The following ZNF385B variants were observed in gnomAD, a reference collection of about 807,000 sequenced individuals.
The protein encoded by ZNF385B is zinc finger protein 385B, also known as zinc finger protein 533.
In ZNF385B, 23 loss-of-function variants were observed where a neutral mutation model predicts 39.2. That is an observed-to-expected ratio of 0.59 (90% CI 0.42 to 0.83). The LOEUF is 0.83. Ranked by LOEUF, ZNF385B falls within the 40% of genes least tolerant of loss-of-function variation. The pLI, the probability that ZNF385B is intolerant of heterozygous loss-of-function variation, is 0.00. For missense variants in ZNF385B, 552 were observed against 598.9 expected (o/e 0.92, Z 0.82); for synonymous variants, 205 against 222.6 (o/e 0.92, Z 0.70).
chr2:179,500,925 G>A (rs1192813360), intron 5 of ZNF385B, among the ~76,000 whole-genome samples: 2 of 151,960 alleles, frequency 1.3e-5, no homozygotes, highest in East Asian at 3.8e-4. Flanking sequence ...TCAAAAAATG[G>A]GCAAAAGATT....
intron 3 of ZNF385B, chr2:179,745,798 T>A (rs1259757727): frequency 1.3e-6 from 2 of 1,514,138 alleles, no homozygotes; most frequent in East Asian, 5.0e-5. Context: ...ACTTCCAGTA[T>A]GTGACCAGGA....
intron 4 of ZNF385B, among the ~76,000 whole-genome samples, chr2:179,535,294 C>T (rs10497541): frequency 0.1 from 15,206 of 152,172 alleles, 957 homozygotes; most frequent in East Asian, 0.24. Flanking sequence ...GAATCAAATA[C>T]ACTGCAAAGG....
chr2:179,702,965 CT>C (rs1276024613), intron 3 of ZNF385B, among the ~76,000 whole-genome samples: 2 of 152,250 alleles, frequency 1.3e-5, no homozygotes, highest in African/African-American at 4.8e-5. Flanking sequence ...CTGCCACCAT[CT>C]TGGTTCTGAC....
chr2:179,622,175 T>G (rs1239139211), intron 3 of ZNF385B, among the ~76,000 whole-genome samples: 1 of 152,192 alleles, frequency 6.6e-6, no homozygotes, highest in Non-Finnish European at 1.5e-5. Flanking sequence ...TGCAAATTAG[T>G]AAGGCTCAAA....
Position 179,443,248 on chromosome 2 carries a change from C to G in ZNF385B, c.*2G>C. ...CCTCAAACGTCTTGGGGTTTGCAGA[C>G]GTTAGTACGGAGCAAAGAGGATGGA... On this transcript the variant is annotated 3_prime_UTR_variant, in exon 10 of 10. Coordinates refer to ENST00000410066, the MANE Select transcript of ZNF385B (RefSeq NM_152520.6). The G allele has an allele frequency of 6.2e-7, 1 of 1,612,236 alleles. No homozygotes were observed. The highest frequency in any genetic ancestry group is 1.1e-5 in the South Asian group (1 of 91,002).
intron 1 of ZNF385B, among the ~76,000 whole-genome samples, chr2:179,783,547 C>T (rs535887005): frequency 3.9e-4 from 59 of 152,226 alleles, no homozygotes; most frequent in South Asian, 1.2e-3. Context: ...AAACAGACAA[C>T]CTACAGTATG....
intron 3 of ZNF385B, among the ~76,000 whole-genome samples, chr2:179,753,161 A>G (rs1702786360): frequency 6.6e-6 from 1 of 152,132 alleles, no homozygotes. Flanking sequence ...TGGTTAGCCA[A>G]TTTGCCCAGC....
chr2:179,813,518 C>A (rs1240567391), intron 1 of ZNF385B, among the ~76,000 whole-genome samples: 1 of 151,978 alleles, frequency 6.6e-6, no homozygotes, highest in Non-Finnish European at 1.5e-5. Flanking sequence ...CAAAAAACTA[C>A]CAAAACGTCT....
chr2:179,647,882 A>C (rs1692861021), intron 3 of ZNF385B, among the ~76,000 whole-genome samples: 2 of 152,182 alleles, frequency 1.3e-5, no homozygotes, highest in South Asian at 4.1e-4. Flanking sequence ...CTCTCTCCTT[A>C]ATTTTCTTGA....
chr2:179,599,234 T>G (rs1340531445), intron 3 of ZNF385B, among the ~76,000 whole-genome samples: 1 of 152,222 alleles, frequency 6.6e-6, no homozygotes, highest in African/African-American at 2.4e-5. Flanking sequence ...CTATGCCCTT[T>G]GAGTTTCATG....
intron 5 of ZNF385B, among the ~76,000 whole-genome samples, chr2:179,488,391 G>T (rs919948877): frequency 6.6e-6 from 1 of 152,126 alleles, no homozygotes; most frequent in Non-Finnish European, 1.5e-5. Flanking sequence ...TGATCCGCCC[G>T]CCTCGGTCTC....
intron 3 of ZNF385B, among the ~76,000 whole-genome samples, chr2:179,548,695 A>G (rs1386427963): frequency 1.3e-5 from 2 of 149,210 alleles, no homozygotes; most frequent in South Asian, 4.3e-4. Flanking sequence ...CAGGCAAGAG[A>G]GTGTGTGCAG....
chr2:179,505,488 A>G (rs1414419479), intron 5 of ZNF385B, among the ~76,000 whole-genome samples: 2 of 152,130 alleles, frequency 1.3e-5, no homozygotes, highest in African/African-American at 4.8e-5. Flanking sequence ...ATATAAAAAT[A>G]AATCATCACA....
At chr2:179,773,426 C>T (rs1400029978) in intron 1 of ZNF385B, among the ~76,000 whole-genome samples, 4 of 152,194 alleles carry the variant, frequency 2.6e-5, no homozygotes, top group African/African-American at 4.8e-5. Flanking sequence ...TGCAAAGTCA[C>T]TATAAACACT....
chr2:179,446,054 A>T (rs572443142), intron 7 of ZNF385B, among the ~76,000 whole-genome samples: 1 of 152,156 alleles, frequency 6.6e-6, no homozygotes, highest in South Asian at 2.1e-4. Context: ...CATAATGGGG[A>T]TCATACTAAT....
intron 3 of ZNF385B, among the ~76,000 whole-genome samples, chr2:179,676,357 G>C (rs1696798488): frequency 6.6e-6 from 1 of 151,480 alleles, no homozygotes; most frequent in South Asian, 2.1e-4. Context: ...CAAAGTGCTG[G>C]GATTACAGGC....
intron 3 of ZNF385B, among the ~76,000 whole-genome samples, chr2:179,642,643 CACTGTT>C (rs1417923237): frequency 1.3e-5 from 2 of 152,080 alleles, no homozygotes; most frequent in Non-Finnish European, 2.9e-5. Flanking sequence ...TTGTCTTTTT[CACTGTT>C]ACTATTTGTG....
intron 1 of ZNF385B, among the ~76,000 whole-genome samples, chr2:179,835,556 G>A (rs2106605618): frequency 6.6e-6 from 1 of 152,246 alleles, no homozygotes; most frequent in Non-Finnish European, 1.5e-5. Flanking sequence ...TACGACGCTT[G>A]CTAACATTCC....
chr2:179,479,697 T>C (rs895059395), intron 6 of ZNF385B, among the ~76,000 whole-genome samples: 12 of 151,868 alleles, frequency 7.9e-5, no homozygotes, highest in African/African-American at 2.7e-4. Context: ...AAAATTAGCC[T>C]GGCTTAGTGG....
Sources: allele counts gnomAD v4.1 joint callset (sites outside exome capture counted in the v4.1 genomes callset), GRCh38; gene constraint gnomAD v4.1.1; transcripts MANE v1.5; gene names NCBI Gene and HGNC (gene_info 2026-07-23, HGNC 2026-07-21).